VPS13B: variants seen among roughly 807,000 people sequenced by gnomAD.
VPS13B encodes the protein intermembrane lipid transfer protein VPS13B.
Under a neutral mutation model 426.4 loss-of-function variants are expected in VPS13B, and 285 were observed. The observed-to-expected ratio is 0.67, with a 90% CI of 0.61 to 0.74. The LOEUF is 0.74. Ranked by LOEUF, VPS13B falls within the 30% of genes least tolerant of loss-of-function variation. VPS13B has a pLI of 0.00. For synonymous variants in VPS13B, 1,676 were observed against 1,676.4 expected, an observed-to-expected ratio of 1.00 and a Z score of 0.01; for missense variants, 4,537 against 4,782.6, an observed-to-expected ratio of 0.95 and a Z score of 1.51.
chr8:99,014,360 C>T (rs1303435265), intron 2 of VPS13B, among the ~76,000 whole-genome samples: 10 of 151,668 alleles, frequency 6.6e-5, no homozygotes, highest in African/African-American at 2.4e-4. Context: ...TTAGGTGATC[C>T]GCCCGCCTCA....
At chr8:99,433,956 C>T (rs983380962) in intron 22 of VPS13B, among the ~76,000 whole-genome samples, 5 of 152,026 alleles carry the variant, frequency 3.3e-5, no homozygotes, top group East Asian at 3.9e-4. Flanking sequence ...CAGGCGCCCA[C>T]CACCACGCCC....
chr8:99,079,728 T>A (rs997760924), intron 3 of VPS13B, among the ~76,000 whole-genome samples: 8 of 152,112 alleles, frequency 5.3e-5, no homozygotes, highest in Non-Finnish European at 7.4e-5. Flanking sequence ...ACTTGATAGT[T>A]TCATACTTGA....
At chr8:99,136,817 T>C in intron 12 of VPS13B, 65 bp downstream of exon 12, 1 of 1,500,624 alleles carries the variant, frequency 6.7e-7, no homozygotes, top group Non-Finnish European at 9.3e-7. Context: ...TTCCTCAGAA[T>C]CAATTGGTCC....
intron 19 of VPS13B, among the ~76,000 whole-genome samples, chr8:99,363,555 C>T (rs1812682306): frequency 6.6e-6 from 1 of 152,094 alleles, no homozygotes; most frequent in Admixed American, 6.6e-5. Flanking sequence ...GTAGATTGCT[C>T]TGGGTAGTAT....
chr8:99,014,788 C>A (rs893944463), intron 2 of VPS13B, among the ~76,000 whole-genome samples: 1 of 151,340 alleles, frequency 6.6e-6, no homozygotes, highest in African/African-American at 2.4e-5. Context: ...TTGAGAATGG[C>A]AGTAAAATTG....
chr8:99,756,350 T>C (rs1335949251), intron 39 of VPS13B, among the ~76,000 whole-genome samples: 1 of 152,000 alleles, frequency 6.6e-6, no homozygotes, highest in Non-Finnish European at 1.5e-5. Context: ...TGGACAGAGC[T>C]TCAGAGATCT....
At chr8:99,606,510 AAAAAG>A (rs1827586546) in intron 33 of VPS13B, among the ~76,000 whole-genome samples, 1 of 151,070 alleles carries the variant, frequency 6.6e-6, no homozygotes, top group Non-Finnish European at 1.5e-5. Context: ...AAAAAAAAAA[AAAAAG>A]AAAAAAGAAA....
intron 54 of VPS13B, among the ~76,000 whole-genome samples, chr8:99,841,992 C>A (rs1426709544): frequency 6.6e-6 from 1 of 152,156 alleles, no homozygotes; most frequent in African/African-American, 2.4e-5. Flanking sequence ...ACCAATCAGG[C>A]CCCGTCTCAC....
At chr8:99,089,728 C>T (rs759372187) in intron 3 of VPS13B, among the ~76,000 whole-genome samples, 5 of 152,060 alleles carry the variant, frequency 3.3e-5, no homozygotes, top group Non-Finnish European at 4.4e-5. Context: ...TTCTTAATCA[C>T]ACTTAAAAAG....
chr8:99,837,604 T>G (rs937712871), intron 54 of VPS13B, among the ~76,000 whole-genome samples: 1 of 152,182 alleles, frequency 6.6e-6, no homozygotes, highest in Admixed American at 6.5e-5. Flanking sequence ...TCCAACACCC[T>G]TATCATCTGT....
intron 31 of VPS13B, among the ~76,000 whole-genome samples, chr8:99,566,536 G>A (rs2133788395): frequency 6.6e-6 from 1 of 152,048 alleles, no homozygotes; most frequent in Admixed American, 6.5e-5. Context: ...CGCCTCCTGG[G>A]TTCAAGCAAT....
intron 17 of VPS13B, among the ~76,000 whole-genome samples, chr8:99,203,185 C>T (rs986291360): frequency 3.4e-4 from 51 of 152,160 alleles, no homozygotes; most frequent in Admixed American, 3.2e-3. Context: ...GGCTTCATCC[C>T]TGGGATGTAA....
intron 30 of VPS13B, among the ~76,000 whole-genome samples, chr8:99,540,818 T>C (rs1256362463): frequency 6.6e-6 from 1 of 152,208 alleles, no homozygotes; most frequent in East Asian, 1.9e-4. Flanking sequence ...TGGATTTTTA[T>C]TGTGGTTTCG....
chr8:99,087,020 G>C (rs1158588846), intron 3 of VPS13B, among the ~76,000 whole-genome samples: 1 of 152,188 alleles, frequency 6.6e-6, no homozygotes. Context: ...AGAGGATTCT[G>C]CTACCTTTGT....
chr8:99,589,868 G>A (rs980536832), intron 33 of VPS13B, among the ~76,000 whole-genome samples: 1 of 152,142 alleles, frequency 6.6e-6, no homozygotes, highest in African/African-American at 2.4e-5. Flanking sequence ...AGTTAGGGAG[G>A]ATTCCCTCTT....
intron 33 of VPS13B, among the ~76,000 whole-genome samples, chr8:99,632,402 C>A (rs1300617696): frequency 1.3e-5 from 2 of 151,824 alleles, no homozygotes; most frequent in African/African-American, 2.4e-5. Flanking sequence ...CATTAGATTA[C>A]CTTCATTAAT....
chr8:99,297,428 T>C (rs2133062063), intron 19 of VPS13B, among the ~76,000 whole-genome samples: 1 of 152,326 alleles, frequency 6.6e-6, no homozygotes, highest in South Asian at 2.1e-4. Flanking sequence ...AGCTATTTTC[T>C]TATTAAAATA....
intron 3 of VPS13B, among the ~76,000 whole-genome samples, chr8:99,059,884 C>CA (rs1480140212): frequency 8.6e-5 from 13 of 151,884 alleles, no homozygotes; most frequent in Non-Finnish European, 1.9e-4. Context: ...AGGTGTGCGC[C>CA]ATTATGCCCA....
In VPS13B at chr8:99,315,610, C is replaced by A. The variant is rs145693944; in HGVS notation, c.2824+40356C>A. ...AATGAGCTTCTTTATAATCAATATT[C>A]TGAATTATTTCCCCAGGATTTTGTA... On this transcript the variant is annotated intron_variant, in intron 19 of 61. Coordinates refer to ENST00000357162, the MANE Select transcript of VPS13B (RefSeq NM_152564.5). Among the ~76,000 whole-genome samples the A allele has an allele frequency of 4.7e-5, 7 of 150,110 alleles. No homozygotes were observed. The East Asian group carries it at 1.2e-3, about 25-fold the overall frequency.
Sources: gnomAD v4.1 joint callset for allele counts (sites outside exome capture counted in the v4.1 genomes callset) on GRCh38, gnomAD v4.1.1 for gene constraint, MANE v1.5 for transcripts, NCBI Gene and HGNC (gene_info 2026-07-23, HGNC 2026-07-21) for gene names.